LUZP1: variants seen among roughly 807,000 people sequenced by gnomAD.
The protein encoded by LUZP1 is leucine zipper protein 1, also known as filamin mechanobinding actin cross-linking protein.
A neutral mutation model predicts 71.3 loss-of-function variants in LUZP1; 25 were observed. That is an observed-to-expected ratio of 0.35 (90% CI 0.26 to 0.49). The LOEUF (loss-of-function observed/expected upper bound fraction) is 0.49, where lower values mean the gene tolerates loss of function less well. LUZP1 is among the 20% of genes least tolerant of loss of function. LUZP1 has a pLI of 0.99. For synonymous variants in LUZP1, 481 were observed against 506.4 expected (o/e 0.95, Z 0.67); for missense variants, 1,142 against 1,300.8 (o/e 0.88, Z 1.88).
chr1:23,086,954 T>C (rs1315379363), exon 5 of LUZP1: 6 of 152,266 alleles, frequency 3.9e-5, no homozygotes, highest in Admixed American at 1.3e-4. Context: ...CCAAATCTGA[T>C]ACAGACAAGG....
intron 2 of LUZP1, among the ~76,000 whole-genome samples, chr1:23,122,097 A>ATTTTAT (rs1435336923): frequency 6.6e-6 from 1 of 152,192 alleles, no homozygotes; most frequent in Non-Finnish European, 1.5e-5. Flanking sequence ...ACATTTATAA[A>ATTTTAT]ATCAACAGTT....
chr1:23,157,109 G>C (rs570660816), intron 2 of LUZP1, among the ~76,000 whole-genome samples: 21 of 152,360 alleles, frequency 1.4e-4, no homozygotes, highest in Admixed American at 2.0e-4. Flanking sequence ...CAAGGTATGA[G>C]GATCACTGAG....
At chr1:23,167,660 C>G (rs754921997) in intron 2 of LUZP1, among the ~76,000 whole-genome samples, 54 of 152,256 alleles carry the variant, frequency 3.5e-4, no homozygotes, top group Non-Finnish European at 5.9e-4. Flanking sequence ...GAAACAGATG[C>G]TCCAAAGCAA....
At chr1:23,131,350 C>T (rs544212164) in intron 2 of LUZP1, among the ~76,000 whole-genome samples, 7 of 151,970 alleles carry the variant, frequency 4.6e-5, no homozygotes, top group African/African-American at 1.7e-4. Context: ...CTCAGAAATG[C>T]CTTAGCTGAC....
chr1:23,139,844 G>A (rs2124704962), intron 2 of LUZP1, among the ~76,000 whole-genome samples: 1 of 152,120 alleles, frequency 6.6e-6, no homozygotes, highest in South Asian at 2.1e-4. Flanking sequence ...CAACTACTTA[G>A]GAGGCTGAGG....
intron 2 of LUZP1, among the ~76,000 whole-genome samples, chr1:23,141,435 C>T (rs1159106332): frequency 6.6e-6 from 1 of 152,162 alleles, no homozygotes; most frequent in East Asian, 1.9e-4. Flanking sequence ...ATGGGTATCA[C>T]TGGTCAGAGC....
At chr1:23,088,765 G>T in exon 5 of LUZP1, 1 of 1,322,830 alleles carries the variant, frequency 7.6e-7, no homozygotes, top group Non-Finnish European at 1.0e-6. Context: ...GCCACAGCCC[G>T]GCTCTACCAC....
At chr1:23,147,033 G>A (rs569343867) in intron 2 of LUZP1, among the ~76,000 whole-genome samples, 2 of 151,952 alleles carry the variant, frequency 1.3e-5, no homozygotes, top group East Asian at 1.9e-4. Flanking sequence ...GGAGGCGGAG[G>A]TTGCAGTGAG....
exon 5 of LUZP1, chr1:23,087,292 A>G (rs1047271081): frequency 5.9e-5 from 9 of 152,230 alleles, no homozygotes; most frequent in African/African-American, 2.2e-4. Context: ...AACAAGGCCC[A>G]GAAAAACAAT....
intron 2 of LUZP1, among the ~76,000 whole-genome samples, chr1:23,120,982 T>C (rs1395366349): frequency 6.6e-6 from 1 of 152,198 alleles, no homozygotes; most frequent in Non-Finnish European, 1.5e-5. Flanking sequence ...CTCTTAAGTT[T>C]TTCTCGTCTC....
rs147568973 is a variant in LUZP1 at position 23,110,201 on chromosome 1, G to T, written c.-225-1074C>A. Among the ~76,000 whole-genome samples the T allele has an allele frequency of 2.0e-3, 300 of 152,218 alleles. 2 individuals carry two copies. Among genetic ancestry groups the T allele is most frequent in the African/African-American group, 7.0e-3 (290 of 41,534 alleles). On this transcript the variant is annotated intron_variant, in intron 2 of 4. Coordinates refer to ENST00000302291, the Ensembl canonical transcript of LUZP1. ...CCCTCTAGACTCGGTCCTCAAAAGA[G>T]CCCTGAACCACCCAATATCAATTAA...
rs569139020 is a variant in LUZP1, at chr1:23,139,625, A to G, written c.-226+29141T>C. Among the ~76,000 whole-genome samples, 53 of 152,346 alleles carry G rather than the reference A, an allele frequency of 3.5e-4. 1 individual carries two copies. The South Asian group carries it at 0.011, about 31-fold the overall frequency. On this transcript the variant is annotated intron_variant, in intron 2 of 4. Transcript: ENST00000302291. ...AATTTCTTTAGCTTAATTTATTATA[A>G]GAGTACAAGTATATAATACATACAA...
chr1:23,097,755 C>G lies in LUZP1; in HGVS notation c.-119-3375G>C, dbSNP rs1436284604. ...TACTTGGTAGGCTGAGGCAAGAAGACAGCTTGAGCCCAGGAGTTTAAGGTT... is the reference window on the plus strand; with the variant it reads ...TACTTGGTAGGCTGAGGCAAGAAGAGAGCTTGAGCCCAGGAGTTTAAGGTT... On this transcript the variant is annotated intron_variant, in intron 3 of 4. Coordinates refer to ENST00000302291, the Ensembl canonical transcript of LUZP1. Among the ~76,000 whole-genome samples, 2 of 152,138 alleles carry G rather than the reference C, an allele frequency of 1.3e-5. 1 individual carries two copies. Among genetic ancestry groups the G allele is most frequent in the African/African-American group, 4.8e-5 (2 of 41,422 alleles).
At chr1:23,115,729 T>TG (rs1353868115) in intron 2 of LUZP1, among the ~76,000 whole-genome samples, 2 of 152,022 alleles carry the variant, frequency 1.3e-5, no homozygotes, top group African/African-American at 4.8e-5. Context: ...TTAGTAGAGA[T>TG]GGGGTTTCAC....
exon 5 of LUZP1, chr1:23,087,827 C>G (rs1643789672): frequency 1.3e-5 from 2 of 152,576 alleles, no homozygotes; most frequent in Non-Finnish European, 2.9e-5. Flanking sequence ...TCATGATAGT[C>G]GACTTGCAGA....
rs777913448 is a variant in LUZP1, at chr1:23,094,244, G to C, written c.18C>G (p.Ser6Arg). 1 of 1,606,868 alleles carries C rather than the reference G, an allele frequency of 6.2e-7. No homozygotes were observed. Residue 6 changes from serine (S) to arginine (R), a missense_variant, in exon 4 of 5, where the codon AGC becomes AGG. Ser to Arg is a moderately radical substitution (Grantham distance 110). Coordinates refer to ENST00000302291, the Ensembl canonical transcript of LUZP1. This position sits in a 1 kb window ranked among gnomAD's most constrained non-coding sequence, Gnocchi z 4.7. ...GGCGGCTGGAGGCCGTCTCCTTGTA[G>C]CTTGTAAATTCGGCCATGTCTACTG...
At chr1:23,172,284 G>A (rs1311882184) in intron 1 of LUZP1, among the ~76,000 whole-genome samples, 1 of 152,126 alleles carries the variant, frequency 6.6e-6, no homozygotes, top group African/African-American at 2.4e-5. Context: ...GTAAGTTGCC[G>A]AATTACAAGT....
intron 1 of LUZP1, among the ~76,000 whole-genome samples, chr1:23,176,021 T>C (rs1644579901): frequency 6.6e-6 from 1 of 151,956 alleles, no homozygotes; most frequent in Non-Finnish European, 1.5e-5. Context: ...AAACACTGTC[T>C]CTTATCTGTC....
intron 3 of LUZP1, among the ~76,000 whole-genome samples, chr1:23,108,387 C>T (rs1466580178): frequency 1.3e-5 from 2 of 151,842 alleles, no homozygotes; most frequent in Non-Finnish European, 2.9e-5. Context: ...GGCAGGAGGA[C>T]TGCTTTAGCC....
Sources: gnomAD v4.1 joint callset for allele counts (sites outside exome capture counted in the v4.1 genomes callset) on GRCh38, gnomAD v4.1.1 for gene constraint, Gnocchi (gnomAD v3.1) non-coding constraint, MANE v1.5 for transcripts, NCBI Gene and HGNC (gene_info 2026-07-23, HGNC 2026-07-21) for gene names.